Variants in ARID5B observed in about 807,000 individuals in gnomAD.
ARID5B encodes the protein AT-rich interaction domain 5B.
In ARID5B, 13 loss-of-function variants were observed where a neutral mutation model predicts 97.2. That is an observed-to-expected ratio of 0.13 (90% CI 0.09 to 0.21). The LOEUF is 0.21. ARID5B is among the 10% of genes least tolerant of loss of function. The pLI is 1.00. For missense variants in ARID5B, 1,210 were observed against 1,465.3 expected (o/e 0.83, Z 2.84); for synonymous variants, 556 against 570.3 (o/e 0.97, Z 0.36).
Position 62,085,759 on chromosome 10 carries a change from A to G in ARID5B, c.1257A>G (p.Pro419=). The change falls in exon 9 of 10, where the codon CCA becomes CCG. Residue 419 remains proline (P), a synonymous_variant. Transcript: ENST00000279873. ...IKGEEDKPLP[P]IKPRKQENSS... ...GAGAAGAAGATAAGCCCCTGCCTCC[A>G]ATCAAACCTCGGAAACAGGAGAACA... 1 of 1,614,004 alleles carries G rather than the reference A, an allele frequency of 6.2e-7. No individual in the cohort carries two copies. The highest frequency in any genetic ancestry group is 8.5e-7 in the Non-Finnish European group (1 of 1,179,990).
chr10:61,993,172 T>A (rs1435512849), intron 3 of ARID5B, among the ~76,000 whole-genome samples: 1 of 151,776 alleles, frequency 6.6e-6, no homozygotes, highest in Middle Eastern at 3.2e-3. Context: ...TGATCTTCCC[T>A]GACTCCAACT....
intron 4 of ARID5B, among the ~76,000 whole-genome samples, chr10:62,020,309 T>C (rs1589261064): frequency 6.6e-6 from 1 of 152,200 alleles, no homozygotes; most frequent in Non-Finnish European, 1.5e-5. Context: ...TCTTAACATA[T>C]AATTTCTTAA....
At chr10:61,952,483 A>G (rs1010615351) in intron 3 of ARID5B, among the ~76,000 whole-genome samples, 9 of 152,204 alleles carry the variant, frequency 5.9e-5, no homozygotes, top group African/African-American at 1.4e-4. Context: ...TCTTAACTCT[A>G]TAGTGTTAGC....
chr10:61,940,696 A>C (rs1353423139), intron 3 of ARID5B, among the ~76,000 whole-genome samples: 1 of 151,716 alleles, frequency 6.6e-6, no homozygotes, highest in Non-Finnish European at 1.5e-5. Context: ...TAGAGCACCT[A>C]AAATTGAATT....
At chr10:61,959,069 CA>C (rs1838433986) in intron 3 of ARID5B, among the ~76,000 whole-genome samples, 1 of 152,224 alleles carries the variant, frequency 6.6e-6, no homozygotes, top group Admixed American at 6.5e-5. Context: ...CATGATTCAT[CA>C]CTGCAATATT....
rs889043075 is a variant in ARID5B, at chr10:62,000,392, G to A, written c.733+71G>A. 1 of 1,377,818 alleles carries A rather than the reference G, an allele frequency of 7.3e-7. No homozygotes were observed. Among genetic ancestry groups the A allele is most frequent in the African/African-American group, 1.5e-5 (1 of 68,470 alleles). 85.3% of individuals were successfully genotyped at this position (1,377,818 alleles called of 1,614,324 possible). A position where few individuals can be genotyped will look rare whatever the true frequency, so the allele number is the denominator to read the frequency against. ...CCTAGTTGTTTTCAGTTCTTCTGAA[G>A]AGCGGTGATGGGGAACGGGGCTCAC... On this transcript the variant is annotated intron_variant, in intron 4 of 9. Transcript: ENST00000279873. The surrounding 1 kb of genome is among the most constrained non-coding windows in gnomAD (Gnocchi z 4.4).
intron 3 of ARID5B, among the ~76,000 whole-genome samples, chr10:61,969,041 CA>C (rs1838587264): frequency 6.6e-6 from 1 of 152,112 alleles, no homozygotes; most frequent in Non-Finnish European, 1.5e-5. Context: ...CTGGGAGATT[CA>C]AAATGATTTC....
chr10:62,052,191 C>T (rs1839799170), intron 5 of ARID5B, among the ~76,000 whole-genome samples: 1 of 152,214 alleles, frequency 6.6e-6, no homozygotes, highest in African/African-American at 2.4e-5. Flanking sequence ...ATCTCTTTCC[C>T]TAAAGTTATT....
At chr10:62,011,938 C>A (rs879582689) in intron 4 of ARID5B, among the ~76,000 whole-genome samples, 1 of 152,092 alleles carries the variant, frequency 6.6e-6, no homozygotes, top group Non-Finnish European at 1.5e-5. Flanking sequence ...CCCTAATTAA[C>A]CAGAATCTTC....
At position 62,093,651 on chromosome 10, in the gene ARID5B, C is replaced by CTTTTT. The variant is rs57902062; in HGVS notation, c.*644_*648dup. On this transcript the variant is annotated 3_prime_UTR_variant, in exon 10 of 10. Coordinates refer to ENST00000279873, the MANE Select transcript of ARID5B (RefSeq NM_032199.3). ...CCATTTTCTCCCAGTTCCTTCTCGT[C>CTTTTT]TTTTTTTTTTTTTTTTTTTTTTTTT... 2.2e-4 allele frequency: 19 copies of CTTTTT among 87,006 alleles called. No homozygotes were observed. Among genetic ancestry groups the CTTTTT allele is most frequent in the African/African-American group, 7.1e-4 (9 of 12,588 alleles). The allele number at this position is 87,006 out of a possible 1,614,324, so 5.4% of individuals were successfully genotyped here.
intron 3 of ARID5B, among the ~76,000 whole-genome samples, chr10:61,975,943 G>A (rs1157338821): frequency 6.6e-6 from 1 of 152,024 alleles, no homozygotes; most frequent in African/African-American, 2.4e-5. Flanking sequence ...CAGCATTTTG[G>A]GGGGAATCAC....
At chr10:62,085,547 A>C (rs1409699915) in intron 8 of ARID5B, among the ~76,000 whole-genome samples, 155 bp from the exon 9 acceptor site, 1 of 152,236 alleles carries the variant, frequency 6.6e-6, no homozygotes, top group African/African-American at 2.4e-5. Flanking sequence ...GCAGAACACT[A>C]AAGTGTAGAG....
intron 2 of ARID5B, among the ~76,000 whole-genome samples, chr10:61,918,286 G>A (rs757403831): frequency 1.3e-5 from 2 of 152,214 alleles, no homozygotes; most frequent in African/African-American, 4.8e-5. Context: ...GTAGCTGTGT[G>A]TCATCTTGAC....
chr10:62,000,919 T>C lies in ARID5B; in HGVS notation c.733+598T>C, dbSNP rs552854111. On this transcript the variant is annotated intron_variant, in intron 4 of 9. Coordinates refer to ENST00000279873, the MANE Select transcript of ARID5B (RefSeq NM_032199.3). This position sits in a 1 kb window ranked among gnomAD's most constrained non-coding sequence, Gnocchi z 4.4. ...TGTCCTGAATTTTTTCATACACTCA[T>C]ACACACACATGCACACGTACACGCA... Among the ~76,000 whole-genome samples, 61 of 152,256 alleles carry C rather than the reference T, an allele frequency of 4.0e-4. No individual in the cohort carries two copies. Among genetic ancestry groups the C allele is most frequent in the African/African-American group, 1.3e-3 (55 of 41,552 alleles).
chr10:62,045,554 G>T (rs531097401), intron 4 of ARID5B, among the ~76,000 whole-genome samples: 1 of 151,638 alleles, frequency 6.6e-6, no homozygotes, highest in African/African-American at 2.4e-5. Flanking sequence ...GGGTTCAAGA[G>T]ATTCTCCTGC....
At chr10:62,015,197 G>C (rs796477492) in intron 4 of ARID5B, among the ~76,000 whole-genome samples, 1 of 152,170 alleles carries the variant, frequency 6.6e-6, no homozygotes, top group Admixed American at 6.5e-5. Flanking sequence ...ATACTTCAGC[G>C]AAAGGCTTAT....
Position 62,036,990 on chromosome 10 carries a change from G to A in ARID5B, c.734-13898G>A, listed in dbSNP as rs187391940. Among the ~76,000 whole-genome samples, 4 of 152,228 alleles carry A rather than the reference G, an allele frequency of 2.6e-5. No homozygotes were observed. The East Asian group carries it at 5.8e-4, about 22-fold the overall frequency. ...CACCAACTCTTAGCAGTGATCTTTG[G>A]TTCCAGATTCATGTGAAAAGCCAAG... On this transcript the variant is annotated intron_variant, in intron 4 of 9. Coordinates refer to ENST00000279873, the MANE Select transcript of ARID5B (RefSeq NM_032199.3).
chr10:62,087,414 C>T (rs10995031), intron 9 of ARID5B, among the ~76,000 whole-genome samples: 2,192 of 149,906 alleles, frequency 0.015, 57 homozygotes, highest in African/African-American at 0.051. Flanking sequence ...GTAGTTTCTG[C>T]ACTTTTTAAG....
intron 3 of ARID5B, among the ~76,000 whole-genome samples, chr10:61,948,702 T>C: frequency 6.6e-6 from 1 of 152,108 alleles, no homozygotes; most frequent in East Asian, 1.9e-4. Context: ...TCATTTATAT[T>C]GCAGGAGCTC....
Sources: allele counts gnomAD v4.1 joint callset (sites outside exome capture counted in the v4.1 genomes callset), GRCh38; gene constraint gnomAD v4.1.1; non-coding constraint Gnocchi (gnomAD v3.1); transcripts MANE v1.5; gene names NCBI Gene and HGNC (gene_info 2026-07-23, HGNC 2026-07-21).